PLEKHA8: variants seen among roughly 807,000 people sequenced by gnomAD.
PLEKHA8 encodes pleckstrin homology domain-containing family A member 8.
PLEKHA8 carries 36 observed loss-of-function variants against 68.2 expected under a neutral mutation model. That is an observed-to-expected ratio of 0.53 (90% CI 0.40 to 0.70). The LOEUF (loss-of-function observed/expected upper bound fraction) is 0.70. Ranked by LOEUF, PLEKHA8 falls within the 30% of genes least tolerant of loss-of-function variation. The pLI is 0.00. For missense variants in PLEKHA8, 505 were observed against 615.4 expected (o/e 0.82, Z 1.90); for synonymous variants, 211 against 216.1 (o/e 0.98, Z 0.20).
intron 13 of PLEKHA8, among the ~76,000 whole-genome samples, chr7:30,125,256 T>C (rs1796753922): frequency 6.6e-6 from 1 of 152,226 alleles, no homozygotes; most frequent in African/African-American, 2.4e-5. Flanking sequence ...TAGATTTGTG[T>C]AAATAAAATA....
downstream of PLEKHA8, chr7:30,130,161 A>T (rs530803323): frequency 6.6e-6 from 1 of 152,344 alleles, no homozygotes; most frequent in East Asian, 1.9e-4. Flanking sequence ...TCTCTAGAGG[A>T]TGAGCTAGTA....
At chr7:30,066,572 A>G (rs1245259042) in intron 12 of PLEKHA8, among the ~76,000 whole-genome samples, 1 of 152,218 alleles carries the variant, frequency 6.6e-6, no homozygotes, top group Non-Finnish European at 1.5e-5. Flanking sequence ...TGGGTTCACA[A>G]GGCAGATATG....
intron 12 of PLEKHA8, among the ~76,000 whole-genome samples, chr7:30,065,851 G>A (rs1300481908): frequency 1.3e-5 from 2 of 152,160 alleles, no homozygotes; most frequent in Non-Finnish European, 2.9e-5. Context: ...ATCTCCATCG[G>A]TGGTTCTCAA....
intron 13 of PLEKHA8, among the ~76,000 whole-genome samples, chr7:30,096,759 T>C (rs1484153825): frequency 6.6e-6 from 1 of 152,256 alleles, no homozygotes; most frequent in Non-Finnish European, 1.5e-5. Flanking sequence ...AGCACACTGA[T>C]GGGTCTTGAC....
At chr7:30,061,838 T>C (rs571730296) in intron 10 of PLEKHA8, 59 bp from the exon 11 acceptor site, 1 of 1,601,484 alleles carries the variant, frequency 6.2e-7, no homozygotes, top group Admixed American at 1.7e-5. Flanking sequence ...CAGACTATAC[T>C]GAGTTGCTTG....
rs554377603 is a variant in PLEKHA8, at chr7:30,115,815, T to C, written c.1363-13451T>C. The C allele has an allele frequency of 8.0e-5, 11 of 137,164 alleles. 2 individuals carry two copies. Among genetic ancestry groups the C allele is most frequent in the African/African-American group, 2.9e-4 (10 of 34,312 alleles). 8.5% of individuals were successfully genotyped at this position (137,164 alleles called of 1,614,324 possible). A position where few individuals can be genotyped will look rare whatever the true frequency, so the allele number is the denominator to read the frequency against. On this transcript the variant is annotated intron_variant, in intron 13 of 13. Coordinates refer to the PLEKHA8 transcript ENST00000396257. ...GCACATACATGTATACACGCATGCA[T>C]GTATACATGCGTGCACATACATGTA...
At chr7:30,108,083 A>AAAAAAAAAAAAAAAAAAAAAAAAAAAAAC (rs780069387) in intron 13 of PLEKHA8, among the ~76,000 whole-genome samples, 1 of 144,460 alleles carries the variant, frequency 6.9e-6, no homozygotes, top group Non-Finnish European at 1.5e-5. Context: ...AAAAAAAAAA[A>AAAAAAAAAAAAAAAAAAAAAAAAAAAAAC]AAAAAAAAAC....
Position 30,082,003 on chromosome 7 carries a change from G to A in PLEKHA8, c.*3216G>A. The stretch of plus-strand genomic sequence containing the variant: ...TCCCTTTTGGGAGTGAAACCAAATT[G>A]TAACTATGAGGAGAAGATGGTCTTC... On this transcript the variant is annotated 3_prime_UTR_variant, in exon 14 of 14. Transcript: ENST00000449726. 1.1e-6 allele frequency: 1 copy of A among 934,228 alleles called. No individual in the cohort carries two copies. The highest frequency in any genetic ancestry group is 1.3e-6 in the Non-Finnish European group (1 of 783,528). 57.9% of individuals were successfully genotyped at this position (934,228 alleles called of 1,614,324 possible).
chr7:30,075,888 CT>C lies in PLEKHA8; in HGVS notation c.1362+1761del, dbSNP rs146212118. ...TGCAAAGCATAAGTCTTTAGGAGGA[CT>C]TTTTAACTTTATTATACTAATTTAG... On this transcript the variant is annotated intron_variant, in intron 13 of 13. Coordinates refer to ENST00000449726, the MANE Select transcript of PLEKHA8 (RefSeq NM_001197026.2). 4.4e-3 allele frequency among the ~76,000 whole-genome samples: 662 copies of C among 152,142 alleles called. 6 individuals are homozygous for C. Among genetic ancestry groups the C allele is most frequent in the African/African-American group, 0.015 (635 of 41,510 alleles).
intron 11 of PLEKHA8, 86 bp from the exon 12 acceptor site, chr7:30,062,586 A>G: frequency 1.1e-6 from 1 of 943,748 alleles, no homozygotes; most frequent in Non-Finnish European, 1.7e-6. Context: ...TGTTACTGAA[A>G]TGGAAGCTGA....
rs527584961 is a variant in PLEKHA8, at chr7:30,074,081, T to C, written c.1311T>C (p.Tyr437=). ...KDIQTALNNA[Y]GKTLRQHHGW... is the part of the protein sequence containing the mutation. ...TTTCTTCTTTTCAAGATAATGCATA[T>C]GGTAAAACATTGCGGCAACACCATG... Residue 437 remains tyrosine (Y), a synonymous_variant, in exon 13 of 14, where the codon TAT becomes TAC. Transcript: ENST00000449726. 5.0e-6 allele frequency: 8 copies of C among 1,612,732 alleles called. No homozygotes were observed. Among genetic ancestry groups the C allele is most frequent in the Non-Finnish European group, 6.8e-6 (8 of 1,179,130 alleles).
chr7:30,040,167 A>G (rs1439452340), intron 1 of PLEKHA8, among the ~76,000 whole-genome samples: 1 of 152,240 alleles, frequency 6.6e-6, no homozygotes, highest in African/African-American at 2.4e-5. Context: ...AGAAAGACCC[A>G]GTTCACACAG....
chr7:30,056,923 A>G (rs1793034262), intron 9 of PLEKHA8, among the ~76,000 whole-genome samples: 1 of 147,358 alleles, frequency 6.8e-6, no homozygotes, highest in Non-Finnish European at 1.5e-5. Context: ...ATAATTTTAT[A>G]TATTATATAT....
At chr7:30,127,839 T>C (rs565916970) in intron 13 of PLEKHA8, among the ~76,000 whole-genome samples, 1 of 152,342 alleles carries the variant, frequency 6.6e-6, no homozygotes, top group Non-Finnish European at 1.5e-5. Context: ...GCATTCCTGA[T>C]TCAACGATAA....
At chr7:30,098,671 C>G (rs567002239) in intron 13 of PLEKHA8, among the ~76,000 whole-genome samples, 1 of 152,348 alleles carries the variant, frequency 6.6e-6, no homozygotes, top group African/African-American at 2.4e-5. Context: ...GTTTGTTAAA[C>G]CCGTTGGAAA....
At chr7:30,068,298 G>T (rs1794005672) in intron 12 of PLEKHA8, among the ~76,000 whole-genome samples, 1 of 152,222 alleles carries the variant, frequency 6.6e-6, no homozygotes, top group Non-Finnish European at 1.5e-5. Context: ...TGAACCACAT[G>T]ACTAGATATT....
chr7:30,109,906 A>G (rs143187458), intron 13 of PLEKHA8, among the ~76,000 whole-genome samples: 22 of 152,130 alleles, frequency 1.4e-4, no homozygotes, highest in Admixed American at 4.6e-4. Flanking sequence ...GGCTCAAGCA[A>G]TTATTCACAT....
At chr7:30,122,013 A>AT (rs1322956518) in intron 13 of PLEKHA8, among the ~76,000 whole-genome samples, 2 of 152,254 alleles carry the variant, frequency 1.3e-5, no homozygotes, top group African/African-American at 4.8e-5. Flanking sequence ...AAGGAAAGTA[A>AT]TATGCCTAGA....
downstream of PLEKHA8, chr7:30,129,523 C>T (rs1462967144): frequency 5.1e-6 from 3 of 590,584 alleles, no homozygotes; most frequent in East Asian, 5.7e-5. Context: ...AATTGATACA[C>T]CTTAAAATTT....
Sources: gnomAD v4.1 joint callset for allele counts (sites outside exome capture counted in the v4.1 genomes callset) on GRCh38, gnomAD v4.1.1 for gene constraint, MANE v1.5 for transcripts, NCBI Gene and HGNC (gene_info 2026-07-23, HGNC 2026-07-21) for gene names.